The following AKAP10 variants were observed in gnomAD, a reference collection of about 807,000 sequenced individuals.
AKAP10 encodes A-kinase anchor protein 10, mitochondrial.
AKAP10 carries 24 observed loss-of-function variants against 80.8 expected under a neutral mutation model. The ratio of observed to expected loss-of-function variants is 0.30; its 90% CI spans 0.22 to 0.42. The LOEUF (loss-of-function observed/expected upper bound fraction) is 0.42, where lower values mean the gene tolerates loss of function less well. Ranked by LOEUF, AKAP10 falls within the 10% of genes least tolerant of loss-of-function variation. AKAP10 has a pLI of 1.00. For synonymous variants in AKAP10, 291 were observed against 277.7 expected, an observed-to-expected ratio of 1.05 and a Z score of -0.48; for missense variants, 661 against 794.9, an observed-to-expected ratio of 0.83 and a Z score of 2.03.
At chr17:19,931,661 G>A (rs1239561308) in intron 10 of AKAP10, 144 bp downstream of exon 10, 1 of 952,810 alleles carries the variant, frequency 1.0e-6, no homozygotes, top group African/African-American at 1.7e-5. Context: ...AAAGTGCTGG[G>A]ATTACAGGCA....
At position 19,958,201 on chromosome 17, in the gene AKAP10, G is replaced by A. The variant is rs756088785; in HGVS notation, c.690C>T (p.Asn230=). The A allele has an allele frequency of 1.2e-6, 2 of 1,614,078 alleles. No homozygotes were observed. The highest frequency in any genetic ancestry group is 8.5e-7 in the Non-Finnish European group (1 of 1,180,048). ...AAAGCAGCAAGTGATTCTGAGTGCT[G>A]TTAGTTCTATTATTCAGGTCAATTC... ...SEGIDLNNRT[N]STQNHLLLSQ... The change falls in exon 4 of 15, where the codon AAC becomes AAT. Residue 230 remains asparagine (N), a synonymous_variant. Coordinates refer to ENST00000225737, the MANE Select transcript of AKAP10 (RefSeq NM_007202.4).
At chr17:19,913,101 C>T (rs1237770701) in intron 12 of AKAP10, among the ~76,000 whole-genome samples, 1 of 151,736 alleles carries the variant, frequency 6.6e-6, no homozygotes, top group African/African-American at 2.4e-5. Flanking sequence ...CCTCAGCCTC[C>T]CTAGTAGCTG....
intron 5 of AKAP10, among the ~76,000 whole-genome samples, chr17:19,944,344 T>C (rs2043080718): frequency 6.6e-6 from 1 of 152,170 alleles, no homozygotes; most frequent in African/African-American, 2.4e-5. Context: ...TGTTTATATA[T>C]ATACCTGTTT....
At chr17:19,927,299 A>C (rs1014935205) in intron 10 of AKAP10, among the ~76,000 whole-genome samples, 1 of 152,160 alleles carries the variant, frequency 6.6e-6, no homozygotes, top group African/African-American at 2.4e-5. Flanking sequence ...GTGCCACTGC[A>C]CTCCAGCCTG....
chr17:19,934,487 A>T (rs1428246837), intron 9 of AKAP10, among the ~76,000 whole-genome samples: 1 of 152,124 alleles, frequency 6.6e-6, no homozygotes, highest in African/African-American at 2.4e-5. Context: ...AGCTGGAACT[A>T]TAGGTGCATG....
intron 1 of AKAP10, 65 bp downstream of exon 1, chr17:19,977,527 G>GCCCACCTGCCCCACCGCCGC: frequency 1.7e-6 from 2 of 1,184,310 alleles, no homozygotes; most frequent in Non-Finnish European, 2.1e-6. Context: ...GCCCTCGCAG[G>GCCCACCTGCCCCACCGCCGC]CCCACCTGCC....
intron 3 of AKAP10, among the ~76,000 whole-genome samples, chr17:19,960,962 G>A (rs950585056): frequency 2.0e-5 from 3 of 151,746 alleles, no homozygotes; most frequent in Non-Finnish European, 2.9e-5. Context: ...GGAGGCGGAG[G>A]TTGCAGTGAG....
chr17:19,927,225 TC>T (rs2042884269), intron 10 of AKAP10, among the ~76,000 whole-genome samples: 1 of 152,100 alleles, frequency 6.6e-6, no homozygotes, highest in Admixed American at 6.6e-5. Flanking sequence ...CCCTAGCTAT[TC>T]AGGAGGCTGA....
At chr17:19,952,994 T>A (rs2043232109) in intron 4 of AKAP10, among the ~76,000 whole-genome samples, 1 of 152,182 alleles carries the variant, frequency 6.6e-6, no homozygotes, top group South Asian at 2.1e-4. Flanking sequence ...GTATGTGGTA[T>A]ATTCACATTT....
At position 19,906,232 on chromosome 17, in the gene AKAP10, A is replaced by C. The variant is rs1567748115; in HGVS notation, c.1984T>G (p.Leu662Val). The C allele has an allele frequency of 6.2e-7, 1 of 1,607,082 alleles. No individual in the cohort carries two copies. Among genetic ancestry groups the C allele is most frequent in the Admixed American group, 1.7e-5 (1 of 59,716 alleles). ...CCTTTATCTCAAGTTTTGAGTCATAACTGAAAAAAGAAAAGAAAAGAAAAT... is the reference window on the plus strand; with the variant it reads ...CCTTTATCTCAAGTTTTGAGTCATACCTGAAAAAAGAAAAGAAAAGAAAAT... ...YDQPLEKSTK[L>V] The change falls in exon 15 of 15, where the codon TTA becomes GTA. Residue 662 changes from leucine to valine, a missense_variant and splice_region_variant. Transcript: ENST00000225737.
At chr17:19,955,236 G>GA (rs941898805) in intron 4 of AKAP10, among the ~76,000 whole-genome samples, 11 of 150,252 alleles carry the variant, frequency 7.3e-5, no homozygotes, top group South Asian at 2.1e-4. Flanking sequence ...AAAAAAATAA[G>GA]AAAAAAAAAG....
chr17:19,951,057 G>T (rs1162303855), intron 4 of AKAP10, among the ~76,000 whole-genome samples: 1 of 152,068 alleles, frequency 6.6e-6, no homozygotes, highest in Non-Finnish European at 1.5e-5. Flanking sequence ...GAGAAGTGAG[G>T]AGCCCCTCCG....
At chr17:19,926,843 G>A (rs576299222) in intron 10 of AKAP10, among the ~76,000 whole-genome samples, 14 of 152,256 alleles carry the variant, frequency 9.2e-5, no homozygotes, top group Admixed American at 2.0e-4. Context: ...TATTTTGGCC[G>A]GGTGCAGTGG....
chr17:19,961,709 G>C (rs2043351600), intron 3 of AKAP10, among the ~76,000 whole-genome samples: 1 of 152,156 alleles, frequency 6.6e-6, no homozygotes, highest in Non-Finnish European at 1.5e-5. Flanking sequence ...ATATGTTTTT[G>C]TTTTGGAAGA....
chr17:19,964,490 ATTC>A (rs2043392301), intron 2 of AKAP10, among the ~76,000 whole-genome samples: 1 of 152,126 alleles, frequency 6.6e-6, no homozygotes, highest in African/African-American at 2.4e-5. Context: ...TTCTTCTTTT[ATTC>A]TTTCTGCTAG....
In AKAP10 at chr17:19,946,255, ATATATATATATATATATATATTTTT is replaced by A. The variant is rs2043120603; in HGVS notation, c.976+1127_976+1151del. Among the ~76,000 whole-genome samples the A allele has an allele frequency of 2.3e-4, 5 of 21,364 alleles. 1 individual carries two copies. Among genetic ancestry groups the A allele is most frequent in the African/African-American group, 7.8e-4 (4 of 5,102 alleles). 14.0% of individuals were successfully genotyped at this position (21,364 alleles called of 152,430 possible). A position where few individuals can be genotyped will look rare whatever the true frequency, so the allele number is the denominator to read the frequency against. On this transcript the variant is annotated intron_variant, in intron 5 of 14. Coordinates refer to ENST00000225737, the MANE Select transcript of AKAP10 (RefSeq NM_007202.4). ...ATATATATTATATATATATATATAT[ATATATATATATATATATATATTTTT>A]TTTTTTTTTTTTTTTTTTTGGCAGG... is the stretch of plus-strand genomic sequence containing the variant.
chr17:19,916,890 T>C (rs546386545), intron 12 of AKAP10, among the ~76,000 whole-genome samples: 2 of 150,840 alleles, frequency 1.3e-5, no homozygotes, highest in Admixed American at 1.3e-4. Flanking sequence ...TGAGCCGACA[T>C]CGTGCCACTA....
In AKAP10 at chr17:19,912,969, ATTTC is replaced by A. The variant is rs544431611; in HGVS notation, c.1835-2995_1835-2992del. Among the ~76,000 whole-genome samples the A allele has an allele frequency of 2.0e-3, 307 of 150,708 alleles. 2 individuals are homozygous for A. Among genetic ancestry groups the A allele is most frequent in the Admixed American group, 3.0e-3 (45 of 15,094 alleles). ...CAGACCACAATCTCCACATTCCTCA[ATTTC>A]TTTCTTTCTTTTTTTTTTTTTTAAG... On this transcript the variant is annotated intron_variant, in intron 12 of 14. Transcript: ENST00000225737.
At chr17:19,973,529 T>C (rs1456954704) in intron 1 of AKAP10, among the ~76,000 whole-genome samples, 1 of 152,256 alleles carries the variant, frequency 6.6e-6, no homozygotes, top group African/African-American at 2.4e-5. Context: ...CTAGGAACTC[T>C]ATATCCGAAA....
Sources: gnomAD v4.1 joint callset for allele counts (sites outside exome capture counted in the v4.1 genomes callset) on GRCh38, gnomAD v4.1.1 for gene constraint, MANE v1.5 for transcripts, NCBI Gene and HGNC (gene_info 2026-07-23, HGNC 2026-07-21) for gene names.